TRPC4AP: variants seen among roughly 807,000 people sequenced by gnomAD.
The protein encoded by TRPC4AP is short transient receptor potential channel 4-associated protein.
Under a neutral mutation model 99.0 loss-of-function variants are expected in TRPC4AP, and 45 were observed. The observed-to-expected ratio is 0.45, with a 90% CI of 0.36 to 0.58. TRPC4AP has a LOEUF of 0.58. Among genes scored for constraint, TRPC4AP ranks in the 20% least tolerant of loss-of-function variants. The pLI, the probability that TRPC4AP is intolerant of heterozygous loss-of-function variation, is 0.00. For missense variants in TRPC4AP, 879 were observed against 985.3 expected (o/e 0.89, Z 1.44); for synonymous variants, 408 against 385.8 (o/e 1.06, Z -0.67).
chr20:35,085,325 A>T (rs2146037722), intron 1 of TRPC4AP, among the ~76,000 whole-genome samples: 1 of 152,206 alleles, frequency 6.6e-6, no homozygotes. Flanking sequence ...TAAAAATAAT[A>T]ATTTGGGGCT....
intron 2 of TRPC4AP, among the ~76,000 whole-genome samples, chr20:35,072,634 G>C (rs1159249665): frequency 3.9e-5 from 6 of 152,136 alleles, no homozygotes; most frequent in Non-Finnish European, 5.9e-5. Flanking sequence ...CTGTTCCACT[G>C]GTCTATATCT....
At chr20:35,081,743 C>A (rs1003405884) in intron 1 of TRPC4AP, among the ~76,000 whole-genome samples, 2 of 152,038 alleles carry the variant, frequency 1.3e-5, no homozygotes, top group Admixed American at 1.3e-4. Context: ...TCCCAGCACT[C>A]TGGGAGACCG....
At chr20:35,010,559 G>A (rs1207975005) in intron 11 of TRPC4AP, among the ~76,000 whole-genome samples, 2 of 152,030 alleles carry the variant, frequency 1.3e-5, no homozygotes, top group Non-Finnish European at 2.9e-5. Context: ...GCAGCTCTGG[G>A]CCTTTCTCTT....
Position 35,007,686 on chromosome 20 carries a change from G to A in TRPC4AP, c.1596-46C>T, listed in dbSNP as rs2273637. On this transcript the variant is annotated intron_variant, in intron 13 of 18. Transcript: ENST00000252015. The stretch of plus-strand genomic sequence containing the variant: ...CAGGTGGCTAAGGCTGCCCTCTTCC[G>A]GCCCATGTTCAGTTCTCCAAGGGGT... 7.2e-4 allele frequency: 1,151 copies of A among 1,595,584 alleles called. 12 individuals are homozygous for A. In the East Asian group the frequency reaches 0.02, roughly 28 times the overall value.
intron 8 of TRPC4AP, among the ~76,000 whole-genome samples, chr20:35,025,052 A>C (rs1246788692): frequency 6.6e-6 from 1 of 151,766 alleles, no homozygotes; most frequent in Non-Finnish European, 1.5e-5. Context: ...GAACTGCTAG[A>C]CTCTTTTCTA....
intron 9 of TRPC4AP, among the ~76,000 whole-genome samples, chr20:35,019,866 T>A (rs572977901): frequency 6.6e-6 from 1 of 152,060 alleles, no homozygotes; most frequent in African/African-American, 2.4e-5. Context: ...AGCCTTGCCA[T>A]CTCCCCAACA....
intron 3 of TRPC4AP, among the ~76,000 whole-genome samples, chr20:35,064,178 A>AT (rs1452884673): frequency 6.6e-6 from 1 of 152,204 alleles, no homozygotes; most frequent in African/African-American, 2.4e-5. Context: ...ATACGTATGT[A>AT]TTTTTTATTA....
At chr20:35,006,217 C>T (rs932543273) in intron 15 of TRPC4AP, among the ~76,000 whole-genome samples, 4 of 152,134 alleles carry the variant, frequency 2.6e-5, no homozygotes, top group African/African-American at 9.7e-5. Context: ...TTCCCACCCT[C>T]ACTCCCTACC....
chr20:35,020,121 T>TCAAAACA (rs772717236), intron 9 of TRPC4AP, among the ~76,000 whole-genome samples: 12 of 152,092 alleles, frequency 7.9e-5, no homozygotes, highest in Non-Finnish European at 1.6e-4. Context: ...ATCCTATCTT[T>TCAAAACA]CAAAACATAT....
chr20:35,029,745 C>T (rs527497187), intron 8 of TRPC4AP, among the ~76,000 whole-genome samples: 2 of 146,972 alleles, frequency 1.4e-5, no homozygotes, highest in Non-Finnish European at 3.0e-5. Context: ...ACGCCATTCT[C>T]CTGCCTCAGC....
chr20:35,049,083 A>T (rs2083631530), intron 6 of TRPC4AP, among the ~76,000 whole-genome samples: 1 of 152,184 alleles, frequency 6.6e-6, no homozygotes, highest in Non-Finnish European at 1.5e-5. Flanking sequence ...GCCAACCAGC[A>T]ACCAACATGG....
chr20:35,052,262 C>T (rs371702708), intron 5 of TRPC4AP, among the ~76,000 whole-genome samples: 72 of 151,822 alleles, frequency 4.7e-4, no homozygotes, highest in Middle Eastern at 6.8e-3. Flanking sequence ...CCACGTCCAG[C>T]CAGTTTTTTA....
chr20:35,070,831 C>G (rs1164503200), intron 2 of TRPC4AP, among the ~76,000 whole-genome samples: 1 of 152,058 alleles, frequency 6.6e-6, no homozygotes, highest in Non-Finnish European at 1.5e-5. Context: ...CTCAAACTGA[C>G]GGCCACAGAA....
At chr20:35,042,090 C>T (rs114441807) in intron 7 of TRPC4AP, among the ~76,000 whole-genome samples, 4 of 152,218 alleles carry the variant, frequency 2.6e-5, no homozygotes, top group African/African-American at 9.6e-5. Context: ...TATATATGTG[C>T]CATGTTGGAA....
chr20:35,066,826 A>G (rs774140095), intron 3 of TRPC4AP, among the ~76,000 whole-genome samples: 5 of 152,178 alleles, frequency 3.3e-5, no homozygotes, highest in Non-Finnish European at 7.4e-5. Context: ...CAAATGACAA[A>G]GGCCTTTAAA....
intron 1 of TRPC4AP, among the ~76,000 whole-genome samples, chr20:35,091,360 G>A (rs1372187298): frequency 6.6e-6 from 1 of 152,094 alleles, no homozygotes; most frequent in Admixed American, 6.6e-5. Flanking sequence ...ACTCACAACT[G>A]CTCCTTTCGT....
chr20:35,090,778 C>T (rs2085037656), intron 1 of TRPC4AP, among the ~76,000 whole-genome samples: 1 of 152,172 alleles, frequency 6.6e-6, no homozygotes, highest in South Asian at 2.1e-4. Context: ...ACTTCTGTGG[C>T]TCCCTATTAT....
chr20:35,089,129 A>G (rs2084968070), intron 1 of TRPC4AP, among the ~76,000 whole-genome samples: 1 of 151,778 alleles, frequency 6.6e-6, no homozygotes, highest in Non-Finnish European at 1.5e-5. Flanking sequence ...TCAGCTTCCC[A>G]AAGTGTTGGG....
chr20:35,081,134 A>G (rs1044671307), intron 1 of TRPC4AP, among the ~76,000 whole-genome samples: 3 of 152,242 alleles, frequency 2.0e-5, no homozygotes, highest in Non-Finnish European at 2.9e-5. Flanking sequence ...GGACATTAAA[A>G]AAGCATATAT....
Sources: gnomAD v4.1 joint callset for allele counts (sites outside exome capture counted in the v4.1 genomes callset) on GRCh38, gnomAD v4.1.1 for gene constraint, MANE v1.5 for transcripts, NCBI Gene and HGNC (gene_info 2026-07-23, HGNC 2026-07-21) for gene names.